ABLIM3: variants seen among roughly 807,000 people sequenced by gnomAD.
ABLIM3 encodes actin binding LIM protein family member 3.
In ABLIM3, 61 loss-of-function variants were observed where a neutral mutation model predicts 109.5. That is an observed-to-expected ratio of 0.56 (90% CI 0.45 to 0.69). The LOEUF (loss-of-function observed/expected upper bound fraction) is 0.69. Ranked by LOEUF, ABLIM3 falls within the 30% of genes least tolerant of loss-of-function variation. The pLI, the probability that ABLIM3 is intolerant of heterozygous loss-of-function variation, is 0.00. For missense variants in ABLIM3, 796 were observed against 889.5 expected, an observed-to-expected ratio of 0.89 and a Z score of 1.34; for synonymous variants, 300 against 324.8, an observed-to-expected ratio of 0.92 and a Z score of 0.82.
intron 2 of ABLIM3, among the ~76,000 whole-genome samples, chr5:149,172,164 T>C (rs1428663259): frequency 6.6e-6 from 1 of 152,194 alleles, no homozygotes; most frequent in Non-Finnish European, 1.5e-5. Context: ...GTGCAACCCA[T>C]TGCCAGATCC....
chr5:149,213,805 A>C (rs1406577367), intron 7 of ABLIM3, among the ~76,000 whole-genome samples: 2 of 140,362 alleles, frequency 1.4e-5, no homozygotes, highest in African/African-American at 2.6e-5. Context: ...AGCATCTTCG[A>C]CTTATTGATT....
chr5:149,248,871 C>CACACACACACAT (rs1216318049), intron 18 of ABLIM3, among the ~76,000 whole-genome samples: 8 of 63,470 alleles, frequency 1.3e-4, no homozygotes, highest in African/African-American at 3.0e-4. Flanking sequence ...CACACACACA[C>CACACACACACAT]ACACACACAC....
At chr5:149,213,291 C>G (rs1216592197) in intron 7 of ABLIM3, among the ~76,000 whole-genome samples, 1 of 152,112 alleles carries the variant, frequency 6.6e-6, no homozygotes, top group African/African-American at 2.4e-5. Context: ...CCTTGGCGAG[C>G]AGCTGCTCAC....
At position 149,259,357 on chromosome 5, in the gene ABLIM3, C is replaced by T. The variant is rs574680141; in HGVS notation, c.*953C>T. 151 of 1,451,950 alleles carry T rather than the reference C, an allele frequency of 1.0e-4. 1 individual carries two copies. In the African/African-American group the frequency reaches 1.9e-3, roughly 18 times the overall value. The allele number at this position is 1,451,950 out of a possible 1,614,324, so 89.9% of individuals were successfully genotyped here. On this transcript the variant is annotated 3_prime_UTR_variant, in exon 24 of 24. Transcript: ENST00000309868. ...CCTGACAACTCAACACACCGCAGGG[C>T]TAATGTTCCCACCAGAGCTCCAACT...
intron 8 of ABLIM3, among the ~76,000 whole-genome samples, chr5:149,228,259 A>G (rs550237120): frequency 2.6e-5 from 4 of 152,334 alleles, no homozygotes; most frequent in East Asian, 3.9e-4. Flanking sequence ...GCCTCTTCCT[A>G]CAGAGAGTCA....
chr5:149,146,251 T>C (rs1752915169), intron 2 of ABLIM3, among the ~76,000 whole-genome samples: 1 of 152,228 alleles, frequency 6.6e-6, no homozygotes, highest in Admixed American at 6.5e-5. Flanking sequence ...ATATTTTCTC[T>C]CATTCTGTAA....
chr5:149,185,304 C>T (rs1044177553), intron 3 of ABLIM3, among the ~76,000 whole-genome samples: 14 of 152,122 alleles, frequency 9.2e-5, no homozygotes, highest in African/African-American at 2.7e-4. Flanking sequence ...ACCCCAGTGT[C>T]TCCACATAGC....
At chr5:149,161,074 C>T (rs1754322343) in intron 2 of ABLIM3, among the ~76,000 whole-genome samples, 1 of 152,192 alleles carries the variant, frequency 6.6e-6, no homozygotes, top group African/African-American at 2.4e-5. Context: ...TGTGGCTGCC[C>T]TCACCCAGGC....
chr5:149,253,079 G>C (rs1459839846), intron 23 of ABLIM3, among the ~76,000 whole-genome samples: 1 of 151,146 alleles, frequency 6.6e-6, no homozygotes, highest in African/African-American at 2.4e-5. Flanking sequence ...TCCCCATGCT[G>C]TTCCCCAAAA....
At chr5:149,159,149 A>T (rs1405240780) in intron 2 of ABLIM3, among the ~76,000 whole-genome samples, 1 of 152,248 alleles carries the variant, frequency 6.6e-6, no homozygotes, top group East Asian at 1.9e-4. Context: ...AGACAAATGG[A>T]TAAACAATCT....
chr5:149,179,936 A>G (rs1055981497), intron 2 of ABLIM3, among the ~76,000 whole-genome samples: 9 of 152,256 alleles, frequency 5.9e-5, no homozygotes, highest in Non-Finnish European at 8.8e-5. Flanking sequence ...ACTAAGGGCT[A>G]GTAACTGGGA....
intron 6 of ABLIM3, among the ~76,000 whole-genome samples, chr5:149,208,773 GGAAATGGATGCTGGCC>G (rs1759263413): frequency 6.6e-6 from 1 of 152,190 alleles, no homozygotes; most frequent in African/African-American, 2.4e-5. Flanking sequence ...CAGCAGAAGG[GGAAATGGATGCTGGCC>G]AAACAACACC....
At chr5:149,224,967 A>C (rs968102564) in intron 8 of ABLIM3, among the ~76,000 whole-genome samples, 1 of 152,170 alleles carries the variant, frequency 6.6e-6, no homozygotes, top group Non-Finnish European at 1.5e-5. Flanking sequence ...ACCAGTAAAG[A>C]TTTACTAACA....
intron 8 of ABLIM3, 81 bp from the exon 9 acceptor site, chr5:149,230,568 G>T: frequency 6.8e-7 from 1 of 1,465,430 alleles, no homozygotes; most frequent in East Asian, 2.3e-5. Flanking sequence ...CGCTGACCAC[G>T]GAGTGAATCA....
At chr5:149,191,532 T>C (rs1757476726) in intron 3 of ABLIM3, among the ~76,000 whole-genome samples, 1 of 151,018 alleles carries the variant, frequency 6.6e-6, no homozygotes, top group Non-Finnish European at 1.5e-5. Context: ...AGAAAGTCTT[T>C]CAGAGAAGAG....
In ABLIM3 at chr5:149,258,701, C is replaced by A; in HGVS notation, c.*297C>A. 9.6e-7 allele frequency: 1 copy of A among 1,046,374 alleles called. No homozygotes were observed. Among genetic ancestry groups the A allele is most frequent in the Non-Finnish European group, 1.1e-6 (1 of 870,480 alleles). The allele number at this position is 1,046,374 out of a possible 1,614,324, so 64.8% of individuals were successfully genotyped here. ...AGTGCCCCAAGGTCCAACTCTCTTT[C>A]CTAAAGAAGGTGCCTGAAGAAGTCT... On this transcript the variant is annotated 3_prime_UTR_variant, in exon 24 of 24. Coordinates refer to ENST00000309868, the MANE Select transcript of ABLIM3 (RefSeq NM_014945.5).
intron 2 of ABLIM3, among the ~76,000 whole-genome samples, chr5:149,165,247 A>G (rs1186552674): frequency 2.0e-5 from 3 of 152,146 alleles, no homozygotes; most frequent in Non-Finnish European, 2.9e-5. Context: ...GATTCTGTAT[A>G]CTTCTCTAGC....
At chr5:149,204,183 G>A (rs1391184842) in intron 5 of ABLIM3, among the ~76,000 whole-genome samples, 2 of 152,210 alleles carry the variant, frequency 1.3e-5, no homozygotes, top group Non-Finnish European at 2.9e-5. Flanking sequence ...AGCGTCTTTA[G>A]GAGGCCTCAG....
At chr5:149,159,846 C>G (rs1754176426) in intron 2 of ABLIM3, among the ~76,000 whole-genome samples, 1 of 152,176 alleles carries the variant, frequency 6.6e-6, no homozygotes, top group Non-Finnish European at 1.5e-5. Flanking sequence ...ACTGGCCTCC[C>G]TAAACTCACC....
Sources: allele counts gnomAD v4.1 joint callset (sites outside exome capture counted in the v4.1 genomes callset), GRCh38; gene constraint gnomAD v4.1.1; transcripts MANE v1.5; gene names NCBI Gene and HGNC (gene_info 2026-07-23, HGNC 2026-07-21).